Variants in SHOC2 observed in about 807,000 individuals in gnomAD.
SHOC2 encodes SHOC2 leucine rich repeat scaffold protein.
Under a neutral mutation model 50.2 loss-of-function variants are expected in SHOC2, and 4 were observed. That is an observed-to-expected ratio of 0.08 (90% CI 0.04 to 0.18). The LOEUF is 0.18. SHOC2 is among the 10% of genes least tolerant of loss of function. The pLI, the probability that SHOC2 is intolerant of heterozygous loss-of-function variation, is 1.00. For synonymous variants in SHOC2, 218 were observed against 244.5 expected, an observed-to-expected ratio of 0.89 and a Z score of 1.01; for missense variants, 388 against 669.6, an observed-to-expected ratio of 0.58 and a Z score of 4.64.
intron 1 of SHOC2, among the ~76,000 whole-genome samples, chr10:110,958,877 C>T (rs2134114335): frequency 6.6e-6 from 1 of 152,170 alleles, no homozygotes; most frequent in South Asian, 2.1e-4. Context: ...CTATATTTTC[C>T]TAGTACCTTT....
At chr10:110,957,535 C>A (rs542982752) in intron 1 of SHOC2, among the ~76,000 whole-genome samples, 4 of 148,290 alleles carry the variant, frequency 2.7e-5, no homozygotes, top group East Asian at 4.3e-4. Context: ...TGAAGATACC[C>A]CCCCCCCAGC....
At chr10:110,958,901 A>G (rs1236305974) in intron 1 of SHOC2, among the ~76,000 whole-genome samples, 2 of 152,130 alleles carry the variant, frequency 1.3e-5, no homozygotes, top group African/African-American at 4.8e-5. Flanking sequence ...GTTTAAACCA[A>G]TTGTTCTCAA....
chr10:110,939,043 A>G (rs1590785222), intron 1 of SHOC2, among the ~76,000 whole-genome samples: 1 of 152,096 alleles, frequency 6.6e-6, no homozygotes, highest in African/African-American at 2.4e-5. Context: ...CTTCTTTGGA[A>G]CTACTTTCTG....
intron 1 of SHOC2, among the ~76,000 whole-genome samples, chr10:110,960,113 T>G (rs1170954884): frequency 6.6e-6 from 1 of 152,266 alleles, no homozygotes; most frequent in Non-Finnish European, 1.5e-5. Context: ...AGGAATGATT[T>G]AAAACCTGAC....
intron 3 of SHOC2, among the ~76,000 whole-genome samples, chr10:110,998,034 T>C (rs574752481): frequency 9.3e-5 from 14 of 151,322 alleles, no homozygotes; most frequent in Admixed American, 9.2e-4. Flanking sequence ...AGCCTTGCTG[T>C]GCCACCCAGG....
At chr10:111,009,496 T>C (rs1055850554) in intron 7 of SHOC2, 111 bp downstream of exon 7, 9 of 1,024,244 alleles carry the variant, frequency 8.8e-6, no homozygotes, top group Non-Finnish European at 1.3e-5. Context: ...ACTTTCCTAT[T>C]CTAGTATTAG....
intron 2 of SHOC2, among the ~76,000 whole-genome samples, chr10:110,974,112 C>G (rs372331815): frequency 1.1e-3 from 169 of 152,002 alleles, no homozygotes; most frequent in African/African-American, 3.9e-3. Context: ...TGATTTCAGG[C>G]CTTTATTCTT....
chr10:110,961,376 G>T (rs1160918643), intron 1 of SHOC2, among the ~76,000 whole-genome samples: 1 of 152,146 alleles, frequency 6.6e-6, no homozygotes, highest in Non-Finnish European at 1.5e-5. Flanking sequence ...GTTTGACAGT[G>T]TCACCTGATT....
intron 1 of SHOC2, among the ~76,000 whole-genome samples, chr10:110,925,385 G>C (rs1268483888): frequency 6.6e-6 from 1 of 152,034 alleles, no homozygotes; most frequent in South Asian, 2.1e-4. Context: ...AATTTTTCAC[G>C]CAGTATTTTT....
intron 2 of SHOC2, among the ~76,000 whole-genome samples, chr10:110,971,848 G>A (rs904694588): frequency 6.6e-6 from 1 of 151,912 alleles, no homozygotes; most frequent in Non-Finnish European, 1.5e-5. Flanking sequence ...TCTTACTATT[G>A]TGCAATATGG....
At chr10:110,973,430 A>G (rs142036415) in intron 2 of SHOC2, among the ~76,000 whole-genome samples, 2 of 152,228 alleles carry the variant, frequency 1.3e-5, no homozygotes, top group East Asian at 3.9e-4. Context: ...GATTTAATTT[A>G]CTAAAATTTT....
At chr10:110,948,919 CATT>C (rs1348770388) in intron 1 of SHOC2, among the ~76,000 whole-genome samples, 1 of 152,034 alleles carries the variant, frequency 6.6e-6, no homozygotes, top group Non-Finnish European at 1.5e-5. Flanking sequence ...TTTCTTAAAA[CATT>C]ATGAGAGATT....
At chr10:110,968,810 A>C (rs1288175311) in intron 2 of SHOC2, among the ~76,000 whole-genome samples, 1 of 152,094 alleles carries the variant, frequency 6.6e-6, no homozygotes, top group Non-Finnish European at 1.5e-5. Flanking sequence ...CTAAAAAATA[A>C]AAATAATTTT....
At chr10:110,984,549 AAAAAT>A (rs1482417095) in intron 2 of SHOC2, among the ~76,000 whole-genome samples, 1 of 152,150 alleles carries the variant, frequency 6.6e-6, no homozygotes, top group African/African-American at 2.4e-5. Context: ...TGTATAGCTT[AAAAAT>A]GTGTTCCACA....
intron 2 of SHOC2, among the ~76,000 whole-genome samples, chr10:110,966,760 A>G (rs1476167182): frequency 6.6e-6 from 1 of 152,122 alleles, no homozygotes; most frequent in African/African-American, 2.4e-5. Flanking sequence ...CCTAAATTGT[A>G]ATTTTAAAAA....
intron 1 of SHOC2, among the ~76,000 whole-genome samples, chr10:110,947,754 GC>G (rs1391530691): frequency 7.7e-6 from 1 of 130,148 alleles, no homozygotes; most frequent in East Asian, 2.2e-4. Context: ...TAAAGAGAAA[GC>G]AAATAAGTAC....
At chr10:110,961,353 T>C (rs1227869414) in intron 1 of SHOC2, among the ~76,000 whole-genome samples, 1 of 152,224 alleles carries the variant, frequency 6.6e-6, no homozygotes, top group Non-Finnish European at 1.5e-5. Context: ...CAATATGTTT[T>C]CTTATCTAAA....
intron 2 of SHOC2, among the ~76,000 whole-genome samples, chr10:110,984,148 A>AT (rs1287243919): frequency 6.6e-6 from 1 of 152,198 alleles, no homozygotes; most frequent in African/African-American, 2.4e-5. Flanking sequence ...CGATTTCTCC[A>AT]CATCCTCACT....
chr10:110,956,689 T>C (rs190462761), intron 1 of SHOC2, among the ~76,000 whole-genome samples: 62 of 152,350 alleles, frequency 4.1e-4, no homozygotes, highest in African/African-American at 1.5e-3. Flanking sequence ...GTTTTAAATC[T>C]TACATTTATC....
Sources: gnomAD v4.1 joint callset for allele counts (sites outside exome capture counted in the v4.1 genomes callset) on GRCh38, gnomAD v4.1.1 for gene constraint, MANE v1.5 for transcripts, NCBI Gene and HGNC (gene_info 2026-07-23, HGNC 2026-07-21) for gene names.